The following SNX29 variants were observed in gnomAD, a reference collection of about 807,000 sequenced individuals.
SNX29 encodes sorting nexin 29, also known as sorting nexin-29.
In SNX29, 78 loss-of-function variants were observed where a neutral mutation model predicts 102.1. That is an observed-to-expected ratio of 0.76 (90% confidence interval 0.64 to 0.92). The LOEUF is 0.92. Among genes scored for constraint, SNX29 ranks in the 40% least tolerant of loss-of-function variants. SNX29 has a pLI of 0.00. For synonymous variants in SNX29, 580 were observed against 414.5 expected (o/e 1.40, Z -4.85); for missense variants, 1,280 against 1,061.7 (o/e 1.21, Z -2.86).
rs528487285 is a variant in SNX29, at chr16:12,288,237, C to G, written c.1782+10201C>G. 9.2e-5 allele frequency among the ~76,000 whole-genome samples: 14 copies of G among 152,284 alleles called. No homozygotes were observed. The South Asian group carries it at 2.7e-3, about 29-fold the overall frequency. ...GGACTGGGTGGAAGCAGCTTTCCATCAGACATGCCCGTGGGTGCCATGTCA... is the reference window on the plus strand; with the variant it reads ...GGACTGGGTGGAAGCAGCTTTCCATGAGACATGCCCGTGGGTGCCATGTCA... On this transcript the variant is annotated intron_variant, in intron 15 of 20. Transcript: ENST00000566228.
intron 20 of SNX29, among the ~76,000 whole-genome samples, chr16:12,555,962 A>C (rs537808905): frequency 6.6e-6 from 1 of 151,298 alleles, no homozygotes; most frequent in Non-Finnish European, 1.5e-5. Context: ...TTGTAACACC[A>C]TCTGCGTGGC....
chr16:12,024,432 C>T (rs2057131189), intron 3 of SNX29, among the ~76,000 whole-genome samples: 1 of 152,124 alleles, frequency 6.6e-6, no homozygotes, highest in South Asian at 2.1e-4. Context: ...AAGTGTGAGC[C>T]ACCGCACCCA....
At chr16:12,200,894 T>G (rs570550477) in intron 14 of SNX29, among the ~76,000 whole-genome samples, 51 of 152,324 alleles carry the variant, frequency 3.3e-4, no homozygotes, top group African/African-American at 9.6e-4. Flanking sequence ...ACCAGTGTCA[T>G]GAGAGCATTG....
intron 16 of SNX29, among the ~76,000 whole-genome samples, chr16:12,382,634 G>A (rs1567506421): frequency 6.6e-6 from 1 of 152,236 alleles, no homozygotes; most frequent in Non-Finnish European, 1.5e-5. Flanking sequence ...AAACGTGCTG[G>A]CTTAAAACAA....
Position 12,441,787 on chromosome 16 carries a change from C to CTTTTG in SNX29, c.2038-35916_2038-35912dup, listed in dbSNP as rs530626305. ...AATTTAGTTATTTGATCCATTTTGA[C>CTTTTG]TTTTGTTTTGTTTTGTTTTGAGTTA... On this transcript the variant is annotated intron_variant, in intron 18 of 20. Transcript: ENST00000566228. 1.8e-4 allele frequency among the ~76,000 whole-genome samples: 27 copies of CTTTTG among 152,198 alleles called. No homozygotes were observed. In the South Asian group the frequency reaches 4.8e-3, roughly 27 times the overall value.
intron 20 of SNX29, among the ~76,000 whole-genome samples, chr16:12,554,219 C>T (rs1198098316): frequency 6.6e-6 from 1 of 152,182 alleles, no homozygotes; most frequent in Non-Finnish European, 1.5e-5. Context: ...ATATATAGAG[C>T]AAAACGTGAA....
At chr16:12,430,204 C>G (rs116567775) in intron 18 of SNX29, among the ~76,000 whole-genome samples, 5 of 152,370 alleles carry the variant, frequency 3.3e-5, no homozygotes, top group South Asian at 2.1e-4. Context: ...CAGTTCCCCC[C>G]CCAGCCCCAG....
intron 20 of SNX29, among the ~76,000 whole-genome samples, chr16:12,554,946 G>C (rs920005587): frequency 6.6e-6 from 1 of 151,436 alleles, no homozygotes; most frequent in Non-Finnish European, 1.5e-5. Flanking sequence ...ACGGCCTCTG[G>C]AGAAAACAAT....
intron 20 of SNX29, among the ~76,000 whole-genome samples, chr16:12,525,703 C>CA (rs1191051878): frequency 1.6e-5 from 2 of 127,926 alleles, no homozygotes; most frequent in Non-Finnish European, 3.3e-5. Context: ...CCCCCACCCC[C>CA]CCCCCCAAAA....
At chr16:12,078,031 C>T (rs1490446467) in intron 10 of SNX29, among the ~76,000 whole-genome samples, 2 of 152,200 alleles carry the variant, frequency 1.3e-5, no homozygotes, top group Non-Finnish European at 2.9e-5. Flanking sequence ...ATTGAATTCA[C>T]AGCCAGCAGC....
rs570556487 is a variant in SNX29, at chr16:12,440,032, C to T, written c.2037+36503C>T. On this transcript the variant is annotated intron_variant, in intron 18 of 20. Coordinates refer to ENST00000566228, the MANE Select transcript of SNX29 (RefSeq NM_032167.5). ...ATTGCGTGGCCTTGGGCCAGCCTCG[C>T]CTCTTAGAGTCTCATGTATAAAATG... Among the ~76,000 whole-genome samples the T allele has an allele frequency of 2.6e-5, 4 of 152,298 alleles. No homozygotes were observed. The South Asian group carries it at 8.3e-4, about 32-fold the overall frequency.
At chr16:12,469,855 A>G (rs1040412971) in intron 18 of SNX29, among the ~76,000 whole-genome samples, 1 of 152,166 alleles carries the variant, frequency 6.6e-6, no homozygotes. Flanking sequence ...TACTAACAAT[A>G]CAAAATTAAC....
At chr16:12,027,945 T>C (rs2057238411) in intron 4 of SNX29, among the ~76,000 whole-genome samples, 1 of 152,218 alleles carries the variant, frequency 6.6e-6, no homozygotes, top group African/African-American at 2.4e-5. Flanking sequence ...TGCACTTTGA[T>C]GTAAATTAAC....
At chr16:12,003,117 C>G (rs575580110) in intron 3 of SNX29, 74 bp downstream of exon 3, 2 of 1,582,444 alleles carry the variant, frequency 1.3e-6, no homozygotes, top group Non-Finnish European at 1.7e-6. Flanking sequence ...CTTCTAAAAC[C>G]GTTGACCATC....
chr16:12,429,826 C>T (rs1263802251), intron 18 of SNX29, among the ~76,000 whole-genome samples: 1 of 152,188 alleles, frequency 6.6e-6, no homozygotes, highest in East Asian at 1.9e-4. Context: ...GAGCCGGTAG[C>T]AGTGTGCTGT....
intron 14 of SNX29, among the ~76,000 whole-genome samples, chr16:12,242,410 A>C (rs1438565443): frequency 6.8e-6 from 1 of 146,168 alleles, no homozygotes; most frequent in East Asian, 2.0e-4. Flanking sequence ...TTCAATCCTC[A>C]TCTTGAATCC....
intron 1 of SNX29, among the ~76,000 whole-genome samples, chr16:11,994,782 A>C (rs1024696666): frequency 1.3e-5 from 2 of 152,072 alleles, no homozygotes; most frequent in Non-Finnish European, 2.9e-5. Context: ...TCTCCACTGG[A>C]TTCAAAGGGA....
intron 15 of SNX29, among the ~76,000 whole-genome samples, chr16:12,324,105 CAT>C (rs2081043425): frequency 6.6e-6 from 1 of 152,008 alleles, no homozygotes. Flanking sequence ...TTTGTTTCCT[CAT>C]GTGATTATAA....
chr16:12,572,707 C>T lies in SNX29; in HGVS notation c.*4078C>T. Reference sequence around the variant, plus strand: ...AGCCCTGCACTCCAGCAGCATCTTCCAGCCTTGGCACAGAACTGATGGCAA... The same window carrying T: ...AGCCCTGCACTCCAGCAGCATCTTCTAGCCTTGGCACAGAACTGATGGCAA... On this transcript the variant is annotated 3_prime_UTR_variant, in exon 21 of 21. Transcript: ENST00000566228. 9.4e-7 allele frequency: 1 copy of T among 1,063,898 alleles called. No individual in the cohort carries two copies. Among genetic ancestry groups the T allele is most frequent in the Non-Finnish European group, 1.1e-6 (1 of 878,388 alleles). The allele number at this position is 1,063,898 out of a possible 1,614,324, so 65.9% of individuals were successfully genotyped here. A position where few individuals can be genotyped will look rare whatever the true frequency, so the allele number is the denominator to read the frequency against.
Sources: gnomAD v4.1 joint callset for allele counts (sites outside exome capture counted in the v4.1 genomes callset) on GRCh38, gnomAD v4.1.1 for gene constraint, MANE v1.5 for transcripts, NCBI Gene and HGNC (gene_info 2026-07-23, HGNC 2026-07-21) for gene names.